MMP16: variants seen among roughly 807,000 people sequenced by gnomAD.
The protein encoded by MMP16 is matrix metallopeptidase 16.
MMP16 carries 12 observed loss-of-function variants against 67.8 expected under a neutral mutation model. That is an observed-to-expected ratio of 0.18 (90% CI 0.11 to 0.29). The LOEUF (loss-of-function observed/expected upper bound fraction) is 0.29. Ranked by LOEUF, MMP16 falls within the 10% of genes least tolerant of loss-of-function variation. The pLI, the probability that MMP16 is intolerant of heterozygous loss-of-function variation, is 1.00. For missense variants in MMP16, 475 were observed against 765.7 expected (o/e 0.62, Z 4.48); for synonymous variants, 249 against 255.9 (o/e 0.97, Z 0.26).
At chr8:88,193,236 A>G (rs1266612315) in intron 2 of MMP16, among the ~76,000 whole-genome samples, 1 of 152,196 alleles carries the variant, frequency 6.6e-6, no homozygotes, top group South Asian at 2.1e-4. Context: ...AAAAAATAAA[A>G]TCCTGTAATT....
intron 1 of MMP16, among the ~76,000 whole-genome samples, chr8:88,244,933 T>A (rs1810090110): frequency 6.6e-6 from 1 of 152,164 alleles, no homozygotes; most frequent in Non-Finnish European, 1.5e-5. Context: ...CAAACCTATG[T>A]CTTCAATTCC....
intron 6 of MMP16, among the ~76,000 whole-genome samples, chr8:88,106,430 G>T (rs1267035911): frequency 6.6e-6 from 1 of 151,168 alleles, no homozygotes; most frequent in African/African-American, 2.4e-5. Flanking sequence ...CATTTACATT[G>T]TTTCCAGTTT....
intron 4 of MMP16, among the ~76,000 whole-genome samples, chr8:88,139,771 C>T (rs1348110203): frequency 6.6e-6 from 1 of 152,032 alleles, no homozygotes; most frequent in African/African-American, 2.4e-5. Flanking sequence ...CTTCTCTATG[C>T]TTTTACTTTC....
chr8:88,210,295 A>G (rs1040216027), intron 1 of MMP16, among the ~76,000 whole-genome samples: 6 of 152,188 alleles, frequency 3.9e-5, no homozygotes. Context: ...TGAGATCACT[A>G]CATGGTTGCT....
chr8:88,274,965 T>C (rs763554145), intron 1 of MMP16, among the ~76,000 whole-genome samples: 2 of 146,260 alleles, frequency 1.4e-5, no homozygotes, highest in Non-Finnish European at 3.0e-5. Flanking sequence ...GTATACAAAC[T>C]CACATTCATG....
chr8:88,292,527 A>C (rs190820217), intron 1 of MMP16, among the ~76,000 whole-genome samples: 1 of 152,230 alleles, frequency 6.6e-6, no homozygotes, highest in African/African-American at 2.4e-5. Flanking sequence ...AAATTGCAGG[A>C]TGAGAAAAAT....
intron 1 of MMP16, among the ~76,000 whole-genome samples, chr8:88,264,898 G>A (rs961649156): frequency 6.6e-6 from 1 of 152,308 alleles, no homozygotes; most frequent in Middle Eastern, 3.4e-3. Context: ...AGAAAACTAT[G>A]CTAACGTTTC....
At chr8:88,186,702 G>A in intron 2 of MMP16, 104 bp from the exon 3 acceptor site, 11 of 1,444,696 alleles carry the variant, frequency 7.6e-6, no homozygotes, top group Non-Finnish European at 1.0e-5. Flanking sequence ...GTTAATCTGA[G>A]ACAGTGATGA....
intron 4 of MMP16, among the ~76,000 whole-genome samples, chr8:88,160,140 G>T (rs1586181992): frequency 6.6e-6 from 1 of 151,736 alleles, no homozygotes; most frequent in South Asian, 2.1e-4. Context: ...TCCCACAACA[G>T]TTCCCAGAGT....
At chr8:88,139,995 T>C (rs1269184196) in intron 4 of MMP16, among the ~76,000 whole-genome samples, 1 of 152,192 alleles carries the variant, frequency 6.6e-6, no homozygotes, top group Non-Finnish European at 1.5e-5. Flanking sequence ...ACAACAATAA[T>C]CGTTTGCTAT....
chr8:88,171,108 T>C (rs1314030878), intron 3 of MMP16, among the ~76,000 whole-genome samples: 1 of 152,104 alleles, frequency 6.6e-6, no homozygotes, highest in Non-Finnish European at 1.5e-5. Context: ...CATAATAGTT[T>C]TGAGAAAAAT....
chr8:88,142,136 C>T (rs1808222189), intron 4 of MMP16, among the ~76,000 whole-genome samples: 1 of 151,900 alleles, frequency 6.6e-6, no homozygotes, highest in South Asian at 2.1e-4. Flanking sequence ...TCTTGAACTC[C>T]TGAGCTCAGG....
At chr8:88,060,656 A>C (rs879412954) in intron 7 of MMP16, among the ~76,000 whole-genome samples, 4 of 152,086 alleles carry the variant, frequency 2.6e-5, no homozygotes, top group Non-Finnish European at 5.9e-5. Context: ...TTGCCAAATT[A>C]CCGGCATTTA....
At chr8:88,205,333 C>T (rs113112853) in intron 1 of MMP16, among the ~76,000 whole-genome samples, 2 of 152,142 alleles carry the variant, frequency 1.3e-5, no homozygotes, top group African/African-American at 4.8e-5. Flanking sequence ...GCTGGAAAGC[C>T]TAGGAGACCC....
chr8:88,077,749 T>C (rs183409007), intron 6 of MMP16, among the ~76,000 whole-genome samples: 15 of 152,330 alleles, frequency 9.8e-5, no homozygotes, highest in African/African-American at 3.6e-4. Flanking sequence ...TCAGTTTTTT[T>C]CCCTGTTGTA....
intron 1 of MMP16, among the ~76,000 whole-genome samples, chr8:88,250,772 T>C (rs556080895): frequency 1.3e-5 from 2 of 151,890 alleles, no homozygotes; most frequent in African/African-American, 4.8e-5. Context: ...TTTTTCTTTT[T>C]TTTTTTAATT....
At chr8:88,160,451 C>T (rs1363336809) in intron 4 of MMP16, among the ~76,000 whole-genome samples, 2 of 151,954 alleles carry the variant, frequency 1.3e-5, no homozygotes, top group African/African-American at 4.8e-5. Context: ...AAACAAACAA[C>T]CCCATCAAAA....
intron 4 of MMP16, among the ~76,000 whole-genome samples, chr8:88,134,317 A>G (rs1299950434): frequency 6.6e-6 from 1 of 151,710 alleles, no homozygotes; most frequent in Non-Finnish European, 1.5e-5. Context: ...TTACATAGAT[A>G]AAGAAATTTT....
At chr8:88,082,380 T>C (rs1808766505) in intron 6 of MMP16, among the ~76,000 whole-genome samples, 1 of 152,118 alleles carries the variant, frequency 6.6e-6, no homozygotes, top group African/African-American at 2.4e-5. Context: ...TAGCATGACA[T>C]ACATATTTGT....
Sources: gnomAD v4.1 joint callset for allele counts (sites outside exome capture counted in the v4.1 genomes callset) on GRCh38, gnomAD v4.1.1 for gene constraint, MANE v1.5 for transcripts, NCBI Gene and HGNC (gene_info 2026-07-23, HGNC 2026-07-21) for gene names.